The following DGKB variants were observed in gnomAD, a reference collection of about 807,000 sequenced individuals.
The protein encoded by DGKB is diacylglycerol kinase beta.
Under a neutral mutation model 114.3 loss-of-function variants are expected in DGKB, and 67 were observed. The observed-to-expected ratio is 0.59, with a 90% CI of 0.48 to 0.72. The LOEUF (loss-of-function observed/expected upper bound fraction) is 0.72, where lower values mean the gene tolerates loss of function less well. Among genes scored for constraint, DGKB ranks in the 30% least tolerant of loss-of-function variants. The probability of loss-of-function intolerance (pLI) is 0.00; values close to 1 mark genes in which losing one functional copy is unlikely to be tolerated. For missense variants in DGKB, 907 were observed against 975.2 expected, an observed-to-expected ratio of 0.93 and a Z score of 0.93; for synonymous variants, 398 against 323.1, an observed-to-expected ratio of 1.23 and a Z score of -2.49.
intron 4 of DGKB, among the ~76,000 whole-genome samples, chr7:14,747,300 C>T (rs541837486): frequency 6.6e-6 from 1 of 151,436 alleles, no homozygotes; most frequent in East Asian, 2.0e-4. Flanking sequence ...TCAAGCAATC[C>T]TTCCACCTCA....
At chr7:14,822,653 T>C (rs1230141965) in intron 2 of DGKB, among the ~76,000 whole-genome samples, 2 of 152,112 alleles carry the variant, frequency 1.3e-5, no homozygotes, top group Non-Finnish European at 2.9e-5. Context: ...CTACAGTGTA[T>C]TTAGAGGTTG....
At chr7:14,623,845 T>C (rs1260534570) in intron 14 of DGKB, among the ~76,000 whole-genome samples, 1 of 152,200 alleles carries the variant, frequency 6.6e-6, no homozygotes, top group African/African-American at 2.4e-5. Context: ...AATTATTAGA[T>C]GAGGTCTCGA....
At chr7:14,843,496 G>C (rs1294752031) in intron 1 of DGKB, among the ~76,000 whole-genome samples, 1 of 149,882 alleles carries the variant, frequency 6.7e-6, no homozygotes, top group Admixed American at 6.6e-5. Context: ...CACCGCGCCC[G>C]GCTAATTTTT....
intron 21 of DGKB, among the ~76,000 whole-genome samples, chr7:14,432,620 A>G (rs1474996549): frequency 2.0e-5 from 3 of 152,106 alleles, no homozygotes; most frequent in Admixed American, 2.0e-4. Context: ...GCTTGCAACT[A>G]CTTTTTAAAA....
chr7:14,559,279 T>G (rs944800184), intron 20 of DGKB, among the ~76,000 whole-genome samples: 5 of 152,200 alleles, frequency 3.3e-5, no homozygotes, highest in African/African-American at 7.2e-5. Flanking sequence ...ATACCAAGTT[T>G]ATTGAAGAAT....
intron 13 of DGKB, among the ~76,000 whole-genome samples, chr7:14,665,505 C>T (rs1225150386): frequency 6.6e-6 from 1 of 151,810 alleles, no homozygotes; most frequent in South Asian, 2.1e-4. Context: ...GTACATGGAC[C>T]CTTGAACCTA....
intron 2 of DGKB, among the ~76,000 whole-genome samples, chr7:14,837,330 GA>G (rs1847297091): frequency 6.6e-6 from 1 of 152,104 alleles, no homozygotes; most frequent in Non-Finnish European, 1.5e-5. Flanking sequence ...AATTGTGGAG[GA>G]AATGTAAAAT....
At chr7:14,871,157 A>G (rs1281327221) in intron 1 of DGKB, among the ~76,000 whole-genome samples, 1 of 152,186 alleles carries the variant, frequency 6.6e-6, no homozygotes, top group Non-Finnish European at 1.5e-5. Flanking sequence ...TTTATGGGGT[A>G]AAATGTGATG....
intron 23 of DGKB, among the ~76,000 whole-genome samples, chr7:14,238,448 T>G (rs1468003624): frequency 6.6e-6 from 1 of 151,960 alleles, no homozygotes; most frequent in Non-Finnish European, 1.5e-5. Context: ...AATTATCCAG[T>G]CTCGGGTAGT....
intron 21 of DGKB, among the ~76,000 whole-genome samples, chr7:14,370,279 G>T (rs1817414454): frequency 6.6e-6 from 1 of 152,008 alleles, no homozygotes; most frequent in African/African-American, 2.4e-5. Context: ...TTATTTCCGA[G>T]GCCTCTGTTG....
intron 14 of DGKB, among the ~76,000 whole-genome samples, chr7:14,622,794 G>T (rs995227570): frequency 1.3e-5 from 2 of 151,774 alleles, no homozygotes; most frequent in Non-Finnish European, 2.9e-5. Flanking sequence ...CTTCCTCATT[G>T]TTCCTTGATC....
At chr7:14,607,636 C>T (rs1385301646) in intron 16 of DGKB, 128 bp from the exon 17 acceptor site, 2 of 337,282 alleles carry the variant, frequency 5.9e-6, no homozygotes, top group Non-Finnish European at 1.1e-5. Context: ...AAATTTCTAT[C>T]AATTTAATAA....
At chr7:14,491,343 T>C (rs1185717544) in intron 20 of DGKB, among the ~76,000 whole-genome samples, 1 of 152,084 alleles carries the variant, frequency 6.6e-6, no homozygotes, top group Non-Finnish European at 1.5e-5. Flanking sequence ...CCATGTAAGA[T>C]GTGCCTTTTA....
Position 14,409,243 on chromosome 7 carries a change from C to G in DGKB, c.1836-63852G>C, listed in dbSNP as rs113695593. 1.0e-3 allele frequency among the ~76,000 whole-genome samples: 153 copies of G among 152,186 alleles called. 2 individuals are homozygous for G. The highest frequency in any genetic ancestry group is 3.6e-3 in the African/African-American group (150 of 41,554). On this transcript the variant is annotated intron_variant, in intron 21 of 25. Coordinates refer to ENST00000402815, the MANE Select transcript of DGKB (RefSeq NM_001350709.2). Reference sequence around the variant, plus strand: ...ATCATCCCGAGGGAGCAGTTCCTTTCTCTAGTAAATTCCGTAGCACAGTAA... The same window carrying G: ...ATCATCCCGAGGGAGCAGTTCCTTTGTCTAGTAAATTCCGTAGCACAGTAA...
chr7:14,822,155 A>G (rs1433334307), intron 2 of DGKB, among the ~76,000 whole-genome samples: 1 of 152,172 alleles, frequency 6.6e-6, no homozygotes, highest in African/African-American at 2.4e-5. Context: ...AATTCCAGTG[A>G]GCCATCCAAT....
At position 14,544,849 on chromosome 7, in the gene DGKB, C is replaced by T. The variant is rs913685751; in HGVS notation, c.1770+29363G>A. 2.6e-5 allele frequency among the ~76,000 whole-genome samples: 4 copies of T among 151,880 alleles called. 1 individual carries two copies. Among genetic ancestry groups the T allele is most frequent in the Admixed American group, 2.6e-4 (4 of 15,244 alleles). On this transcript the variant is annotated intron_variant, in intron 20 of 25. Transcript: ENST00000402815. Reference sequence around the variant, plus strand: ...CCATCTTTGCTTTCCAGGCCCATCACACTGTGTTTTTCCCCTGTAAGTCAG... The same window carrying T: ...CCATCTTTGCTTTCCAGGCCCATCATACTGTGTTTTTCCCCTGTAAGTCAG...
intron 1 of DGKB, among the ~76,000 whole-genome samples, chr7:14,877,005 A>C (rs1370566264): frequency 6.6e-6 from 1 of 152,228 alleles, no homozygotes; most frequent in Non-Finnish European, 1.5e-5. Context: ...TTATGTGCTA[A>C]AACTGTGTTT....
chr7:14,479,784 C>A (rs545208243), intron 20 of DGKB, among the ~76,000 whole-genome samples: 1 of 152,154 alleles, frequency 6.6e-6, no homozygotes, highest in South Asian at 2.1e-4. Flanking sequence ...GTATATGTAG[C>A]ATGATCAATT....
chr7:14,705,588 G>C (rs1826058083), intron 6 of DGKB, among the ~76,000 whole-genome samples: 4 of 149,792 alleles, frequency 2.7e-5, no homozygotes, highest in Admixed American at 6.7e-5. Flanking sequence ...CCCCTCAAAG[G>C]GAAGCCCATC....
Sources: gnomAD v4.1 joint callset for allele counts (sites outside exome capture counted in the v4.1 genomes callset) on GRCh38, gnomAD v4.1.1 for gene constraint, MANE v1.5 for transcripts, NCBI Gene and HGNC (gene_info 2026-07-23, HGNC 2026-07-21) for gene names.